DLG2: variants seen among roughly 807,000 people sequenced by gnomAD.
DLG2 encodes disks large homolog 2.
A neutral mutation model predicts 132.5 loss-of-function variants in DLG2; 45 were observed. The observed-to-expected ratio is 0.34, with a 90% CI of 0.27 to 0.44. The LOEUF is 0.44. Ranked by LOEUF, DLG2 falls within the 20% of genes least tolerant of loss-of-function variation. The pLI, the probability that DLG2 is intolerant of heterozygous loss-of-function variation, is 1.00. For synonymous variants in DLG2, 424 were observed against 419.6 expected (o/e 1.01, Z -0.13); for missense variants, 1,045 against 1,196.9 (o/e 0.87, Z 1.87).
chr11:85,006,706 G>C (rs2058693532), intron 6 of DLG2, among the ~76,000 whole-genome samples: 1 of 151,694 alleles, frequency 6.6e-6, no homozygotes, highest in Admixed American at 6.6e-5. Context: ...TTTTTTGAAG[G>C]GTTTTTCTTG....
intron 8 of DLG2, among the ~76,000 whole-genome samples, chr11:84,164,609 G>A (rs1247113929): frequency 6.6e-6 from 1 of 152,192 alleles, no homozygotes; most frequent in Non-Finnish European, 1.5e-5. Flanking sequence ...GTGAATGAAT[G>A]AGTGACTGAA....
At chr11:84,938,062 G>C (rs2154095292) in intron 6 of DLG2, among the ~76,000 whole-genome samples, 1 of 152,228 alleles carries the variant, frequency 6.6e-6, no homozygotes, top group South Asian at 2.1e-4. Flanking sequence ...AATACTGTGT[G>C]GCTTTTTAAC....
chr11:84,687,830 T>C (rs1440103442), intron 6 of DLG2, among the ~76,000 whole-genome samples: 1 of 152,160 alleles, frequency 6.6e-6, no homozygotes, highest in Non-Finnish European at 1.5e-5. Context: ...AGTTATTGAG[T>C]GAAACAAATA....
intron 3 of DLG2, among the ~76,000 whole-genome samples, chr11:85,427,335 A>G (rs1000906655): frequency 3.3e-5 from 5 of 152,198 alleles, no homozygotes; most frequent in Non-Finnish European, 2.9e-5. Context: ...CAGATTCACC[A>G]AAGTTGAAAT....
At chr11:84,914,196 C>G (rs552454265) in intron 6 of DLG2, among the ~76,000 whole-genome samples, 2 of 152,188 alleles carry the variant, frequency 1.3e-5, no homozygotes, top group African/African-American at 4.8e-5. Context: ...ATTCCCTTGG[C>G]TTCTTTCAAA....
chr11:85,074,428 G>A (rs1161403434), intron 6 of DLG2, among the ~76,000 whole-genome samples: 1 of 151,802 alleles, frequency 6.6e-6, no homozygotes, highest in African/African-American at 2.4e-5. Context: ...AATGAGCAGG[G>A]AGGAAATTAA....
chr11:84,481,299 TG>T (rs1234145410), intron 7 of DLG2, among the ~76,000 whole-genome samples: 1 of 152,190 alleles, frequency 6.6e-6, no homozygotes, highest in Non-Finnish European at 1.5e-5. Flanking sequence ...CCCTATTTTT[TG>T]CTTTATCCCT....
At chr11:84,313,858 G>T (rs1009051361) in intron 7 of DLG2, among the ~76,000 whole-genome samples, 1 of 152,070 alleles carries the variant, frequency 6.6e-6, no homozygotes, top group African/African-American at 2.4e-5. Context: ...TAACATCCTA[G>T]ATGTACATTT....
intron 19 of DLG2, among the ~76,000 whole-genome samples, chr11:83,566,625 T>G (rs1029518633): frequency 6.6e-6 from 1 of 152,072 alleles, no homozygotes; most frequent in Non-Finnish European, 1.5e-5. Flanking sequence ...ACAAAAGTGT[T>G]AAAGAAATAA....
At chr11:84,646,540 G>A (rs767176950) in intron 6 of DLG2, among the ~76,000 whole-genome samples, 33 of 151,996 alleles carry the variant, frequency 2.2e-4, no homozygotes, top group Non-Finnish European at 3.5e-4. Context: ...CAGAAGACAG[G>A]CGCAGTATGA....
At chr11:84,889,669 A>G (rs1379144421) in intron 6 of DLG2, among the ~76,000 whole-genome samples, 2 of 152,212 alleles carry the variant, frequency 1.3e-5, no homozygotes, top group Non-Finnish European at 2.9e-5. Flanking sequence ...TGCATAATTC[A>G]GAGATAATTA....
intron 6 of DLG2, among the ~76,000 whole-genome samples, chr11:84,659,337 T>C (rs933481338): frequency 5.9e-5 from 9 of 152,086 alleles, no homozygotes; most frequent in African/African-American, 1.9e-4. Context: ...CAATTCCCAC[T>C]AGGTCTGCTA....
At chr11:84,276,245 T>C (rs941477100) in intron 7 of DLG2, among the ~76,000 whole-genome samples, 1 of 152,222 alleles carries the variant, frequency 6.6e-6, no homozygotes, top group East Asian at 1.9e-4. Context: ...AATAGGCACA[T>C]TGATATACGT....
intron 16 of DLG2, among the ~76,000 whole-genome samples, chr11:83,849,060 T>C (rs529400410): frequency 6.6e-6 from 1 of 152,326 alleles, no homozygotes; most frequent in African/African-American, 2.4e-5. Context: ...AAGAATGACT[T>C]ATTCCTCTGC....
intron 7 of DLG2, among the ~76,000 whole-genome samples, chr11:84,358,053 G>T (rs778005919): frequency 2.0e-5 from 3 of 151,844 alleles, no homozygotes; most frequent in Non-Finnish European, 4.4e-5. Context: ...TATTTTAATT[G>T]TGCTTTCCAA....
At chr11:85,422,173 C>A (rs1480398699) in intron 3 of DLG2, among the ~76,000 whole-genome samples, 1 of 152,110 alleles carries the variant, frequency 6.6e-6, no homozygotes, top group Non-Finnish European at 1.5e-5. Context: ...AGGCAATAAT[C>A]TTTTTGCAAT....
chr11:85,437,843 C>T (rs765448726), intron 3 of DLG2, among the ~76,000 whole-genome samples: 1 of 151,800 alleles, frequency 6.6e-6, no homozygotes, highest in Admixed American at 6.6e-5. Context: ...CTGTAGATAA[C>T]CTTCATGAAA....
At chr11:83,493,492 G>T (rs1290016904) in intron 21 of DLG2, among the ~76,000 whole-genome samples, 1 of 151,610 alleles carries the variant, frequency 6.6e-6, no homozygotes, top group Non-Finnish European at 1.5e-5. Flanking sequence ...AATAAGAAAT[G>T]TGTTTTCATC....
chr11:84,220,611 A>G (rs1261221266), intron 8 of DLG2, among the ~76,000 whole-genome samples: 1 of 152,134 alleles, frequency 6.6e-6, no homozygotes, highest in Non-Finnish European at 1.5e-5. Context: ...ATGGATAACA[A>G]TTACACACTT....
Sources: allele counts gnomAD v4.1 joint callset (sites outside exome capture counted in the v4.1 genomes callset), GRCh38; gene constraint gnomAD v4.1.1; transcripts MANE v1.5; gene names NCBI Gene and HGNC (gene_info 2026-07-23, HGNC 2026-07-21).